The following HIVEP2 variants were observed in gnomAD, a reference collection of about 807,000 sequenced individuals.
HIVEP2 encodes the protein HIVEP zinc finger 2, also known as transcription factor HIVEP2.
HIVEP2 carries 14 observed loss-of-function variants against 180.7 expected under a neutral mutation model. That is an observed-to-expected ratio of 0.08 (90% CI 0.05 to 0.12). The LOEUF is 0.12. Among genes scored for constraint, HIVEP2 ranks in the 10% least tolerant of loss-of-function variants. The pLI is 1.00. For synonymous variants in HIVEP2, 1,184 were observed against 1,136.4 expected (o/e 1.04, Z -0.84); for missense variants, 2,579 against 3,008.5 (o/e 0.86, Z 3.34).
At chr6:142,913,441 TTGAAGAGTTATC>T (rs1777468523) in intron 1 of HIVEP2, among the ~76,000 whole-genome samples, 1 of 152,174 alleles carries the variant, frequency 6.6e-6, no homozygotes, top group Admixed American at 6.5e-5. Flanking sequence ...CTAAAAAGGA[TTGAAGAGTTATC>T]ACACTGGTAC....
At chr6:142,914,937 GCCCAATTCAAATTTCATCT>G (rs994571799) in intron 1 of HIVEP2, among the ~76,000 whole-genome samples, 12 of 151,926 alleles carry the variant, frequency 7.9e-5, no homozygotes, top group African/African-American at 2.9e-4. Context: ...TTCTTTTAAG[GCCCAATTCAAATTTCATCT>G]CCTCTAAGAA....
chr6:142,800,281 T>A (rs1776372375), intron 2 of HIVEP2, among the ~76,000 whole-genome samples: 1 of 152,152 alleles, frequency 6.6e-6, no homozygotes, highest in Admixed American at 6.6e-5. Context: ...AACCATGGTA[T>A]CATATTAGTC....
intron 1 of HIVEP2, among the ~76,000 whole-genome samples, chr6:142,845,314 G>A (rs1775478713): frequency 6.6e-6 from 1 of 152,120 alleles, no homozygotes; most frequent in African/African-American, 2.4e-5. Flanking sequence ...AGCAGATATG[G>A]TTTACTTTCA....
At chr6:142,762,452 G>GCACA (rs35168499) in intron 7 of HIVEP2, among the ~76,000 whole-genome samples, 18,985 of 143,680 alleles carry the variant, frequency 0.13, 1,421 homozygotes, top group Middle Eastern at 0.18. Flanking sequence ...ACAGAAGAAT[G>GCACA]CACACACACA....
chr6:142,811,617 C>T (rs142070736), intron 2 of HIVEP2, among the ~76,000 whole-genome samples: 135 of 152,298 alleles, frequency 8.9e-4, no homozygotes, highest in African/African-American at 3.1e-3. Context: ...AATTACACAA[C>T]TTTCAGTTGA....
intron 3 of HIVEP2, among the ~76,000 whole-genome samples, chr6:142,783,219 T>G (rs1167045834): frequency 6.7e-6 from 1 of 148,618 alleles, no homozygotes; most frequent in Non-Finnish European, 1.5e-5. Flanking sequence ...TCCCAGCTAC[T>G]TGGGAGGCTG....
chr6:142,771,692 A>G lies in HIVEP2; in HGVS notation c.3047T>C (p.Leu1016Ser), dbSNP rs1369208832. Residue 1016 changes from leucine (L) to serine (S), a missense_variant, in exon 5 of 10, where the codon TTG (leucine) becomes TCG (serine). Coordinates refer to ENST00000367603, the MANE Select transcript of HIVEP2 (RefSeq NM_006734.4). This position sits in a 1 kb window ranked among gnomAD's most constrained non-coding sequence, Gnocchi z 5.4. ...FLTVPAGSYS[L>S]SVPGHHHQKE... ...CTGGTGGTGATGGCCTGGGACAGAC[A>G]ATGAGTATGAACCAGCAGGGACAGT... The G allele has an allele frequency of 1.9e-6, 3 of 1,614,178 alleles. No homozygotes were observed. Among genetic ancestry groups the G allele is most frequent in the Non-Finnish European group, 1.7e-6 (2 of 1,180,024 alleles).
At chr6:142,926,738 G>A (rs1777820507) in intron 1 of HIVEP2, among the ~76,000 whole-genome samples, 1 of 152,150 alleles carries the variant, frequency 6.6e-6, no homozygotes, top group Non-Finnish European at 1.5e-5. Context: ...ACACGCTGGG[G>A]CCAGTGAACC....
At chr6:142,781,622 T>C (rs886117908) in intron 3 of HIVEP2, among the ~76,000 whole-genome samples, 1 of 152,196 alleles carries the variant, frequency 6.6e-6, no homozygotes, top group African/African-American at 2.4e-5. Flanking sequence ...TCTGCATGGC[T>C]ATTTCAGTGG....
intron 3 of HIVEP2, among the ~76,000 whole-genome samples, chr6:142,777,692 G>T (rs184543711): frequency 7.7e-6 from 1 of 130,418 alleles, no homozygotes; most frequent in Non-Finnish European, 1.6e-5. Context: ...AAAAAAAGTG[G>T]AACCTGGGAT....
chr6:142,804,395 T>C (rs1339001628), intron 2 of HIVEP2, among the ~76,000 whole-genome samples: 1 of 152,122 alleles, frequency 6.6e-6, no homozygotes, highest in Non-Finnish European at 1.5e-5. Flanking sequence ...TGATAATTTT[T>C]AGAACATCAG....
At chr6:142,862,600 C>A (rs907851011) in intron 1 of HIVEP2, among the ~76,000 whole-genome samples, 1 of 143,156 alleles carries the variant, frequency 7.0e-6, no homozygotes, top group African/African-American at 2.5e-5. Flanking sequence ...TACATATAAT[C>A]GATTCATAAT....
chr6:142,765,159 T>C (rs1233796711), intron 6 of HIVEP2, among the ~76,000 whole-genome samples, 185 bp from the exon 7 acceptor site: 1 of 152,190 alleles, frequency 6.6e-6, no homozygotes, highest in African/African-American at 2.4e-5. Flanking sequence ...AGATAATAGA[T>C]TTGGCACTGT....
chr6:142,826,777 C>T (rs575060710), intron 2 of HIVEP2, among the ~76,000 whole-genome samples: 2 of 152,246 alleles, frequency 1.3e-5, no homozygotes, highest in African/African-American at 4.8e-5. Context: ...TAATACTCAC[C>T]TCATAAATGT....
chr6:142,921,133 A>G (rs574538329), intron 1 of HIVEP2, among the ~76,000 whole-genome samples: 1 of 152,374 alleles, frequency 6.6e-6, no homozygotes, highest in Admixed American at 6.5e-5. Flanking sequence ...CTTAAATGCA[A>G]GCTCCAAAAC....
At chr6:142,852,443 T>G (rs769372544) in intron 1 of HIVEP2, among the ~76,000 whole-genome samples, 1 of 152,098 alleles carries the variant, frequency 6.6e-6, no homozygotes, top group Non-Finnish European at 1.5e-5. Context: ...ACACTGAAAA[T>G]AGATTGTTAC....
intron 1 of HIVEP2, among the ~76,000 whole-genome samples, chr6:142,849,473 G>A (rs1387583804): frequency 6.6e-6 from 1 of 152,010 alleles, no homozygotes; most frequent in Non-Finnish European, 1.5e-5. Context: ...TAGTATTGAA[G>A]ACTATTAGCA....
In HIVEP2 at chr6:142,879,913, A is replaced by G. The variant is rs545132632; in HGVS notation, c.-640-42866T>C. Among the ~76,000 whole-genome samples the G allele has an allele frequency of 5.9e-5, 9 of 152,186 alleles. No homozygotes were observed. In the South Asian group the frequency reaches 1.9e-3, roughly 32 times the overall value. On this transcript the variant is annotated intron_variant, in intron 1 of 9. Coordinates refer to ENST00000367603, the MANE Select transcript of HIVEP2 (RefSeq NM_006734.4). Reference sequence around the variant, plus strand: ...GGGCCATGATCTCTGACTTCCAATGAATTCTTTGAGGACCAAGACTATGTC... The same window carrying G: ...GGGCCATGATCTCTGACTTCCAATGGATTCTTTGAGGACCAAGACTATGTC...
intron 9 of HIVEP2, 63 bp from the exon 10 acceptor site, chr6:142,753,994 G>T: frequency 1.2e-6 from 1 of 848,006 alleles, no homozygotes; most frequent in Non-Finnish European, 1.8e-6. Flanking sequence ...CTTAGGTCAA[G>T]CTGTTGGATT....
Sources: gnomAD v4.1 joint callset for allele counts (sites outside exome capture counted in the v4.1 genomes callset) on GRCh38, gnomAD v4.1.1 for gene constraint, Gnocchi (gnomAD v3.1) non-coding constraint, MANE v1.5 for transcripts, NCBI Gene and HGNC (gene_info 2026-07-23, HGNC 2026-07-21) for gene names.